The following NRAP variants were observed in gnomAD, a reference collection of about 807,000 sequenced individuals.
The protein encoded by NRAP is nebulin related anchoring protein, also known as nebulin-related-anchoring protein.
In NRAP, 189 loss-of-function variants were observed where a neutral mutation model predicts 225.9. That is an observed-to-expected ratio of 0.84 (90% CI 0.74 to 0.94). NRAP has a LOEUF of 0.94. NRAP is among the 40% of genes least tolerant of loss of function. The probability of loss-of-function intolerance (pLI) is 0.00; values close to 1 mark genes in which losing one functional copy is unlikely to be tolerated. For synonymous variants in NRAP, 769 were observed against 790.7 expected (o/e 0.97, Z 0.46); for missense variants, 2,176 against 2,168.7 (o/e 1.00, Z -0.07).
At chr10:113,634,910 G>T (rs1401773286) in intron 14 of NRAP, among the ~76,000 whole-genome samples, 1 of 152,104 alleles carries the variant, frequency 6.6e-6, no homozygotes, top group Admixed American at 6.5e-5. Context: ...CTTGTAGGTG[G>T]CCCTAACATG....
rs999706716 is a variant in NRAP at position 113,649,930 on chromosome 10, A to C, written c.888+107T>G. The stretch of plus-strand genomic sequence containing the variant: ...AAATCTACCTTTCATAAAAAAGGTA[A>C]AGATAAACCAAAGCCCCACCCCTGA... On this transcript the variant is annotated intron_variant, in intron 9 of 41. Transcript: ENST00000359988. The C allele has an allele frequency of 7.4e-6, 5 of 680,124 alleles. No homozygotes were observed. In the East Asian group the frequency reaches 1.2e-4, roughly 17 times the overall value. 42.1% of individuals were successfully genotyped at this position (680,124 alleles called of 1,614,324 possible). A position where few individuals can be genotyped will look rare whatever the true frequency, so the allele number is the denominator to read the frequency against.
intron 14 of NRAP, among the ~76,000 whole-genome samples, chr10:113,639,441 G>A (rs536972335): frequency 2.0e-5 from 3 of 152,250 alleles, no homozygotes; most frequent in South Asian, 2.1e-4. Flanking sequence ...AAGTTGTACT[G>A]ATCCCAAAGG....
At chr10:113,652,383 A>C (rs1850030279) in intron 6 of NRAP, among the ~76,000 whole-genome samples, 2 of 152,056 alleles carry the variant, frequency 1.3e-5, no homozygotes, top group Admixed American at 6.6e-5. Flanking sequence ...GGCTCACCCG[A>C]GTAATCCCAG....
chr10:113,596,606 C>G (rs1338628100), intron 37 of NRAP, among the ~76,000 whole-genome samples: 1 of 151,990 alleles, frequency 6.6e-6, no homozygotes. Flanking sequence ...TTTTTCTTAA[C>G]TGGGTTATAT....
At chr10:113,597,421 G>T (rs151298251) in intron 36 of NRAP, among the ~76,000 whole-genome samples, 1 of 152,046 alleles carries the variant, frequency 6.6e-6, no homozygotes, top group Non-Finnish European at 1.5e-5. Context: ...AAAATACTAC[G>T]GCTCCCCACA....
At chr10:113,624,984 G>T in intron 21 of NRAP, 54 bp from the exon 22 acceptor site, 2 of 1,090,348 alleles carry the variant, frequency 1.8e-6, no homozygotes, top group Non-Finnish European at 2.8e-6. Context: ...AGGTGGGCAG[G>T]GTGGCATCCC....
At chr10:113,634,389 G>T (rs777762500) in intron 14 of NRAP, among the ~76,000 whole-genome samples, 179 bp from the exon 15 acceptor site, 3 of 152,150 alleles carry the variant, frequency 2.0e-5, no homozygotes, top group Non-Finnish European at 4.4e-5. Context: ...CAGTACATTG[G>T]AGAGTGAGAC....
In NRAP at chr10:113,604,878, T is replaced by A. The variant is rs775910591; in HGVS notation, c.3958A>T (p.Ile1320Leu). 1 of 1,614,028 alleles carries A rather than the reference T, an allele frequency of 6.2e-7. No homozygotes were observed. Among genetic ancestry groups the A allele is most frequent in the Non-Finnish European group, 8.5e-7 (1 of 1,179,994 alleles). Residue 1320 changes from isoleucine (I) to leucine (L), a missense_variant, in exon 35 of 42, where the codon ATA (isoleucine) becomes TTA (leucine). Coordinates refer to ENST00000359988, the MANE Select transcript of NRAP (RefSeq NM_198060.4). ...TCGTCTCTTACACTCTGGGGCCCTA[T>A]GAGTTTCCCTCGCTCCTTCACAAAG... ...HDFVKERGKL[I>L]GPQSVRDDPR...
intron 34 of NRAP, among the ~76,000 whole-genome samples, chr10:113,605,513 C>T (rs922845646): frequency 1.1e-4 from 16 of 152,336 alleles, no homozygotes; most frequent in East Asian, 1.9e-4. Context: ...GTCGCCTAGA[C>T]GTTGCAATTA....
At chr10:113,599,940 C>T (rs993488262) in intron 35 of NRAP, among the ~76,000 whole-genome samples, 1 of 152,168 alleles carries the variant, frequency 6.6e-6, no homozygotes, top group Non-Finnish European at 1.5e-5. Flanking sequence ...TTTTGGAGCA[C>T]TGTGTTGCAA....
chr10:113,654,260 A>G lies in NRAP; in HGVS notation c.361-135T>C. Reference sequence around the variant, plus strand: ...AAATCCTGGGTCTCAGCTAACTGAAATGTTCATTTATTTCAGGCTAGAAAA... The same window carrying G: ...AAATCCTGGGTCTCAGCTAACTGAAGTGTTCATTTATTTCAGGCTAGAAAA... On this transcript the variant is annotated intron_variant, in intron 4 of 41. Transcript: ENST00000359988. The G allele has an allele frequency of 5.1e-6, 3 of 582,560 alleles. No homozygotes were observed. The Middle Eastern group carries it at 8.2e-4, about 158-fold the overall frequency. 36.1% of individuals were successfully genotyped at this position (582,560 alleles called of 1,614,324 possible). A position where few individuals can be genotyped will look rare whatever the true frequency, so the allele number is the denominator to read the frequency against.
intron 7 of NRAP, among the ~76,000 whole-genome samples, chr10:113,650,921 C>T (rs969899624): frequency 3.9e-5 from 6 of 152,204 alleles, no homozygotes; most frequent in Non-Finnish European, 7.3e-5. Flanking sequence ...CCATGTATGA[C>T]GCAGAAGCTG....
Position 113,622,026 on chromosome 10 carries a change from C to T in NRAP, c.2612G>A (p.Cys871Tyr). ...GTGGACCATGTCCAGGGAGACGTGG[C>T]ATTGGGATTTGGTGTCCTCGAATCC... is the stretch of plus-strand genomic sequence containing the variant. Reference protein sequence around the residue: ...KKGFEDTKSQCHVSLDMVHLV... With the variant: ...KKGFEDTKSQYHVSLDMVHLV... Residue 871 changes from cysteine to tyrosine, a missense_variant, in exon 24 of 42, where the codon TGC becomes TAC. Coordinates refer to ENST00000359988, the MANE Select transcript of NRAP (RefSeq NM_198060.4). 1.2e-6 allele frequency: 2 copies of T among 1,614,202 alleles called. No individual in the cohort carries two copies. The highest frequency in any genetic ancestry group is 2.2e-5 in the South Asian group (2 of 91,076).
chr10:113,639,613 T>G (rs76238965), intron 14 of NRAP, among the ~76,000 whole-genome samples: 4,916 of 152,324 alleles, frequency 0.032, 391 homozygotes, highest in Admixed American at 0.18. Context: ...TATCTTTTTC[T>G]TTGCACTTTT....
At chr10:113,638,250 C>A (rs1190214629) in intron 14 of NRAP, among the ~76,000 whole-genome samples, 1 of 152,168 alleles carries the variant, frequency 6.6e-6, no homozygotes, top group East Asian at 1.9e-4. Flanking sequence ...CTCTGTGGGA[C>A]ATAATTAAAA....
rs1592736249 is a variant in NRAP at position 113,601,554 on chromosome 10, A to G, written c.4227+3055T>C. Among the ~76,000 whole-genome samples the G allele has an allele frequency of 2.0e-5, 3 of 152,380 alleles. No individual in the cohort carries two copies. The South Asian group carries it at 6.2e-4, about 32-fold the overall frequency. Reference sequence around the variant, plus strand: ...GCATAATATGGTCATTTAAAATTTAAGCAGTCACTTCTTAGCATTTAAAAA... The same window carrying G: ...GCATAATATGGTCATTTAAAATTTAGGCAGTCACTTCTTAGCATTTAAAAA... On this transcript the variant is annotated intron_variant, in intron 35 of 41. Coordinates refer to ENST00000359988, the MANE Select transcript of NRAP (RefSeq NM_198060.4).
At chr10:113,603,867 T>C (rs1489462258) in intron 35 of NRAP, among the ~76,000 whole-genome samples, 1 of 152,142 alleles carries the variant, frequency 6.6e-6, no homozygotes, top group East Asian at 1.9e-4. Context: ...ATGCCCTATT[T>C]TAAATGGCAC....
chr10:113,601,002 C>T (rs1340700585), intron 35 of NRAP, among the ~76,000 whole-genome samples: 2 of 152,166 alleles, frequency 1.3e-5, no homozygotes, highest in Admixed American at 6.5e-5. Flanking sequence ...GGACTGTCTC[C>T]GTGACATTTC....
At chr10:113,648,869 C>T (rs1284684222) in intron 9 of NRAP, among the ~76,000 whole-genome samples, 2 of 152,170 alleles carry the variant, frequency 1.3e-5, no homozygotes, top group African/African-American at 4.8e-5. Context: ...TACCTACAGA[C>T]ATGTCTAGGT....
Sources: gnomAD v4.1 joint callset for allele counts (sites outside exome capture counted in the v4.1 genomes callset) on GRCh38, gnomAD v4.1.1 for gene constraint, MANE v1.5 for transcripts, NCBI Gene and HGNC (gene_info 2026-07-23, HGNC 2026-07-21) for gene names.